RIPOR3: variants seen among roughly 807,000 people sequenced by gnomAD.
RIPOR3 encodes the protein RIPOR family member 3.
Under a neutral mutation model 114.3 loss-of-function variants are expected in RIPOR3, and 95 were observed. The ratio of observed to expected loss-of-function variants is 0.83; its 90% CI spans 0.70 to 0.99. The LOEUF (loss-of-function observed/expected upper bound fraction) is 0.99, where lower values mean the gene tolerates loss of function less well. Among genes scored for constraint, RIPOR3 ranks in the 50% least tolerant of loss-of-function variants. The pLI is 0.00. For missense variants in RIPOR3, 1,252 were observed against 1,266.9 expected (o/e 0.99, Z 0.18); for synonymous variants, 575 against 543.8 (o/e 1.06, Z -0.80).
At chr20:50,618,813 T>C (rs2084284460) in intron 3 of RIPOR3, among the ~76,000 whole-genome samples, 1 of 152,206 alleles carries the variant, frequency 6.6e-6, no homozygotes, top group Non-Finnish European at 1.5e-5. Flanking sequence ...CAGTGGCTTA[T>C]GTCTGTAATC....
chr20:50,681,798 C>A (rs1042375311), intron 1 of RIPOR3, among the ~76,000 whole-genome samples: 1 of 152,184 alleles, frequency 6.6e-6, no homozygotes, highest in African/African-American at 2.4e-5. Context: ...ATCCCTACGC[C>A]ATGTGTTCCT....
chr20:50,595,020 C>T, intron 16 of RIPOR3: 1 of 492,040 alleles, frequency 2.0e-6, no homozygotes, highest in South Asian at 2.9e-5. Flanking sequence ...CAGCTGGGAT[C>T]ACAGCTACTG....
intron 1 of RIPOR3, among the ~76,000 whole-genome samples, chr20:50,649,446 A>C (rs1025911252): frequency 6.6e-6 from 1 of 152,190 alleles, no homozygotes; most frequent in African/African-American, 2.4e-5. Flanking sequence ...ATCTCAAAAA[A>C]AAGAAAAGAT....
intron 1 of RIPOR3, among the ~76,000 whole-genome samples, chr20:50,652,032 GA>G (rs1040555351): frequency 4.3e-4 from 66 of 152,350 alleles, no homozygotes; most frequent in African/African-American, 1.5e-3. Context: ...GGCCTGAGTG[GA>G]GCTCCCTCCT....
rs1432140393 is a variant in RIPOR3 at position 50,630,768 on chromosome 20, C to G, written c.92G>C (p.Gly31Ala). 4.3e-6 allele frequency: 7 copies of G among 1,612,140 alleles called. No individual in the cohort carries two copies. Among genetic ancestry groups the G allele is most frequent in the African/African-American group, 1.3e-5 (1 of 74,876 alleles). The part of the protein sequence containing the change: ...GVVGRSASFA[G>A]FSSAQSRRIA... ...CCTCCGGCTCTGTGCACTGCTGAAG[C>G]CTGCGAAGGAGGCGCTCCGGCCCAC... The change falls in exon 2 of 22, where the codon GGC becomes GCC. Residue 31 changes from glycine to alanine, a missense_variant. By Grantham distance (60) the Gly-to-Ala change is moderately conservative. Coordinates refer to ENST00000327979, the MANE Select transcript of RIPOR3 (RefSeq NM_001290268.2).
chr20:50,611,075 G>A, intron 5 of RIPOR3, 106 bp downstream of exon 5: 1 of 1,580,992 alleles, frequency 6.3e-7, no homozygotes, highest in African/African-American at 1.3e-5. Context: ...AAATGGGGAG[G>A]AGACCCAGGT....
intron 1 of RIPOR3, among the ~76,000 whole-genome samples, chr20:50,689,172 CTTTTTTTTTTT>C (rs71964773): frequency 7.9e-5 from 7 of 88,822 alleles, no homozygotes; most frequent in African/African-American, 1.5e-4. Flanking sequence ...CTCCAAACTT[CTTTTTTTTTTT>C]TTTTTTTTTT....
At chr20:50,639,241 CA>C (rs796792187) in intron 1 of RIPOR3, among the ~76,000 whole-genome samples, 44 of 136,558 alleles carry the variant, frequency 3.2e-4, no homozygotes, top group Middle Eastern at 3.6e-3. Flanking sequence ...GACTCCAACT[CA>C]AAAAAAAAAA....
intron 13 of RIPOR3, among the ~76,000 whole-genome samples, chr20:50,600,480 C>T (rs2083454868): frequency 6.6e-6 from 1 of 152,134 alleles, no homozygotes; most frequent in Non-Finnish European, 1.5e-5. Context: ...AAAAAAGGTA[C>T]AGGCACGATG....
chr20:50,623,280 GAAA>G (rs1287335299), intron 2 of RIPOR3, among the ~76,000 whole-genome samples: 1 of 144,516 alleles, frequency 6.9e-6, no homozygotes, highest in African/African-American at 2.5e-5. Context: ...AAAAAAAAAA[GAAA>G]AAAAAGAAAA....
At chr20:50,620,609 AGAGT>A (rs542193686) in intron 2 of RIPOR3, among the ~76,000 whole-genome samples, 1 of 151,908 alleles carries the variant, frequency 6.6e-6, no homozygotes, top group East Asian at 1.9e-4. Flanking sequence ...CCTGGGTGAC[AGAGT>A]GAGACTCAGT....
chr20:50,647,344 G>T (rs574296478), intron 1 of RIPOR3, among the ~76,000 whole-genome samples: 1 of 151,952 alleles, frequency 6.6e-6, no homozygotes, highest in Non-Finnish European at 1.5e-5. Flanking sequence ...GAAAAGTGAC[G>T]TCTGGGGACC....
intron 1 of RIPOR3, among the ~76,000 whole-genome samples, chr20:50,634,482 ACTGTGAATGGTGACTTGT>A (rs1405482663): frequency 6.6e-6 from 1 of 151,956 alleles, no homozygotes; most frequent in Non-Finnish European, 1.5e-5. Context: ...GTTATAGTGG[ACTGTGAATGGTGACTTGT>A]CTATCTCTCC....
At chr20:50,678,290 GGGC>G (rs2086740914) in intron 1 of RIPOR3, among the ~76,000 whole-genome samples, 2 of 152,194 alleles carry the variant, frequency 1.3e-5, no homozygotes, top group Non-Finnish European at 2.9e-5. Context: ...AGGAACCTGG[GGGC>G]TGGGTGGCCT....
intron 3 of RIPOR3, 105 bp downstream of exon 3, chr20:50,619,881 T>C: frequency 7.1e-7 from 1 of 1,414,086 alleles, no homozygotes; most frequent in South Asian, 1.4e-5. Context: ...ACTTAACCTG[T>C]CACCTCTTGT....
intron 1 of RIPOR3, among the ~76,000 whole-genome samples, chr20:50,632,633 G>T (rs1450954003): frequency 6.6e-6 from 1 of 152,260 alleles, no homozygotes; most frequent in East Asian, 1.9e-4. Flanking sequence ...AGATGGGGAA[G>T]TTGAGGCATC....
rs3830966 is a variant in RIPOR3, at chr20:50,611,007, G to GGGCTCAGTGCCGGGCC, written c.373-102_373-101insGGCCCGGCACTGAGCC. The stretch of plus-strand genomic sequence containing the variant: ...CCTACAGGTCCTAACTCAGAGAATG[G>GGGCTCAGTGCCGGGCC]GGCCCCTCACCATCCCTGAGGAAGG... On this transcript the variant is annotated intron_variant, in intron 5 of 21. Transcript: ENST00000327979. 2.6e-6 allele frequency: 4 copies of GGGCTCAGTGCCGGGCC among 1,546,198 alleles called. No homozygotes were observed. In the South Asian group the frequency reaches 4.5e-5, roughly 18 times the overall value.
chr20:50,627,648 A>G (rs1014752638), intron 2 of RIPOR3, among the ~76,000 whole-genome samples: 1 of 151,792 alleles, frequency 6.6e-6, no homozygotes, highest in Admixed American at 6.6e-5. Flanking sequence ...GCGCCATTGC[A>G]CTCCAGCCCG....
chr20:50,589,910 C>CAAAGATGGACCG, intron 19 of RIPOR3, 141 bp from the exon 20 acceptor site: 1 of 685,078 alleles, frequency 1.5e-6, no homozygotes, highest in Non-Finnish European at 2.6e-6. Flanking sequence ...ACGATCGGTC[C>CAAAGATGGACCG]ATCTTTGGGC....
Sources: allele counts gnomAD v4.1 joint callset (sites outside exome capture counted in the v4.1 genomes callset), GRCh38; gene constraint gnomAD v4.1.1; transcripts MANE v1.5; gene names NCBI Gene and HGNC (gene_info 2026-07-23, HGNC 2026-07-21).